Variants in LRCH1 observed in about 807,000 individuals in gnomAD.
LRCH1 encodes leucine rich repeats and calponin homology domain containing 1, also known as leucine-rich repeat and calponin homology domain-containing protein 1.
A neutral mutation model predicts 94.9 loss-of-function variants in LRCH1; 23 were observed. The observed-to-expected ratio is 0.24, with a 90% CI of 0.17 to 0.34. The LOEUF (loss-of-function observed/expected upper bound fraction) is 0.34, where lower values mean the gene tolerates loss of function less well. Ranked by LOEUF, LRCH1 falls within the 10% of genes least tolerant of loss-of-function variation. The pLI, the probability that LRCH1 is intolerant of heterozygous loss-of-function variation, is 1.00. For missense variants in LRCH1, 790 were observed against 945.9 expected (o/e 0.84, Z 2.16); for synonymous variants, 364 against 354.9 (o/e 1.03, Z -0.29).
At chr13:46,710,548 G>A (rs17347719) in intron 13 of LRCH1, among the ~76,000 whole-genome samples, 17,416 of 152,210 alleles carry the variant, frequency 0.11, 1,036 homozygotes, top group Middle Eastern at 0.16. Context: ...TCTGCGAGAC[G>A]ATAGGACAAA....
chr13:46,578,592 TAA>T (rs2050329439), intron 1 of LRCH1, among the ~76,000 whole-genome samples: 1 of 152,216 alleles, frequency 6.6e-6, no homozygotes, highest in Non-Finnish European at 1.5e-5. Flanking sequence ...TCCTTAAGAA[TAA>T]CCTATTTCTG....
chr13:46,686,447 C>CT (rs1870621001), intron 5 of LRCH1, among the ~76,000 whole-genome samples: 1 of 152,128 alleles, frequency 6.6e-6, no homozygotes, highest in African/African-American at 2.4e-5. Context: ...TTATGGCCTA[C>CT]TGTCAAACAA....
chr13:46,600,167 G>A (rs1047724670), intron 1 of LRCH1, among the ~76,000 whole-genome samples: 12 of 147,678 alleles, frequency 8.1e-5, no homozygotes, highest in South Asian at 2.1e-4. Flanking sequence ...GATTACAGGC[G>A]TGAGCCACCA....
intron 1 of LRCH1, among the ~76,000 whole-genome samples, chr13:46,643,333 G>A (rs570391620): frequency 2.6e-5 from 4 of 152,272 alleles, no homozygotes; most frequent in African/African-American, 9.6e-5. Flanking sequence ...CCTTTCAAAA[G>A]GCAGAGTTAG....
At chr13:46,633,879 A>AT (rs796924628) in intron 1 of LRCH1, among the ~76,000 whole-genome samples, 1,961 of 122,632 alleles carry the variant, frequency 0.016, 37 homozygotes, top group African/African-American at 0.022. Context: ...CTTTTCCTGC[A>AT]TTTTTTTTTT....
At chr13:46,746,001 A>C (rs932570415), downstream of LRCH1, among the ~76,000 whole-genome samples, 1 of 152,190 alleles carries the variant, frequency 6.6e-6, no homozygotes, top group Non-Finnish European at 1.5e-5. Context: ...ACTAGCCATC[A>C]AAAAACTCCA....
chr13:46,733,836 C>T (rs1873233264), intron 18 of LRCH1, 85 bp from the exon 19 acceptor site: 9 of 737,556 alleles, frequency 1.2e-5, no homozygotes, highest in South Asian at 4.2e-5. Context: ...TTGCTTGTGC[C>T]ATTTGGGAAG....
chr13:46,719,953 G>A (rs12429724), intron 16 of LRCH1, among the ~76,000 whole-genome samples: 30,903 of 152,130 alleles, frequency 0.2, 3,491 homozygotes, highest in East Asian at 0.5. Context: ...AGCCGAGATC[G>A]TGCCACTGCA....
chr13:46,575,124 G>T (rs1251061020), intron 1 of LRCH1, among the ~76,000 whole-genome samples: 1 of 151,828 alleles, frequency 6.6e-6, no homozygotes. Context: ...TCCTCTTTAG[G>T]GTCCAGCCTT....
intron 13 of LRCH1, among the ~76,000 whole-genome samples, chr13:46,706,067 C>T (rs946929232): frequency 2.6e-5 from 4 of 152,166 alleles, no homozygotes; most frequent in Non-Finnish European, 4.4e-5. Flanking sequence ...TATAGTAAAG[C>T]GGTTTCACGC....
rs922915381 is a variant in LRCH1 at position 46,617,004 on chromosome 13, A to G, written c.308-33197A>G. On this transcript the variant is annotated intron_variant, in intron 1 of 19. Coordinates refer to ENST00000389797, the MANE Select transcript of LRCH1 (RefSeq NM_001164211.2). The stretch of plus-strand genomic sequence containing the variant: ...TAGGGTGGGGCAGGAACAAATCACA[A>G]TGGTGGAATGTCATCAGTTAAGGCT... Among the ~76,000 whole-genome samples, 7 of 152,208 alleles carry G rather than the reference A, an allele frequency of 4.6e-5. No individual in the cohort carries two copies. The East Asian group carries it at 1.2e-3, about 25-fold the overall frequency.
intron 1 of LRCH1, among the ~76,000 whole-genome samples, chr13:46,566,462 C>T (rs1221233763): frequency 1.3e-5 from 2 of 152,138 alleles, no homozygotes; most frequent in East Asian, 3.9e-4. Context: ...TTTGTAGGGC[C>T]AGACTCATGT....
At chr13:46,589,144 C>G (rs2050469806) in intron 1 of LRCH1, among the ~76,000 whole-genome samples, 1 of 152,144 alleles carries the variant, frequency 6.6e-6, no homozygotes, top group East Asian at 1.9e-4. Flanking sequence ...TCAACTAATC[C>G]TCCCACCTCA....
intron 1 of LRCH1, among the ~76,000 whole-genome samples, chr13:46,633,072 A>G (rs532558866): frequency 3.5e-4 from 54 of 152,350 alleles, no homozygotes; most frequent in African/African-American, 1.3e-3. Context: ...AGTGGAATAT[A>G]CTATATTCAG....
At chr13:46,713,350 A>T (rs1872166906) in intron 15 of LRCH1, among the ~76,000 whole-genome samples, 1 of 152,224 alleles carries the variant, frequency 6.6e-6, no homozygotes, top group African/African-American at 2.4e-5. Context: ...AGCAAGTGCT[A>T]ATAAAGAATT....
At chr13:46,669,680 C>T (rs775986723) in intron 3 of LRCH1, among the ~76,000 whole-genome samples, 1 of 152,202 alleles carries the variant, frequency 6.6e-6, no homozygotes, top group Non-Finnish European at 1.5e-5. Context: ...AGATGGATTA[C>T]AAATGTGTGT....
intron 1 of LRCH1, among the ~76,000 whole-genome samples, chr13:46,570,734 T>C (rs2050232508): frequency 6.6e-6 from 1 of 152,252 alleles, no homozygotes; most frequent in South Asian, 2.1e-4. Flanking sequence ...GTTGGATTTT[T>C]AGAAGAGACA....
chr13:46,642,020 G>A lies in LRCH1; in HGVS notation c.308-8181G>A, dbSNP rs537051585. 1.7e-4 allele frequency among the ~76,000 whole-genome samples: 26 copies of A among 152,346 alleles called. No individual in the cohort carries two copies. In the East Asian group the frequency reaches 5.0e-3, roughly 29 times the overall value. Reference sequence around the variant, plus strand: ...CTGCCTAGGTATGTTTGCACAGATAGAGCTGTGGTGGCCCAGCTCCACGCT... The same window carrying A: ...CTGCCTAGGTATGTTTGCACAGATAAAGCTGTGGTGGCCCAGCTCCACGCT... On this transcript the variant is annotated intron_variant, in intron 1 of 19. Coordinates refer to ENST00000389797, the MANE Select transcript of LRCH1 (RefSeq NM_001164211.2).
chr13:46,685,755 C>A (rs1429932173), intron 4 of LRCH1, 150 bp from the exon 5 acceptor site: 2 of 548,228 alleles, frequency 3.6e-6, no homozygotes, highest in African/African-American at 3.9e-5. Flanking sequence ...TGTACACACA[C>A]CATGTATTCC....
Sources: allele counts gnomAD v4.1 joint callset (sites outside exome capture counted in the v4.1 genomes callset), GRCh38; gene constraint gnomAD v4.1.1; transcripts MANE v1.5; gene names NCBI Gene and HGNC (gene_info 2026-07-23, HGNC 2026-07-21).